The following XKR6 variants were observed in gnomAD, a reference collection of about 807,000 sequenced individuals.
The protein encoded by XKR6 is XK related 6.
Under a neutral mutation model 56.7 loss-of-function variants are expected in XKR6, and 22 were observed. That is an observed-to-expected ratio of 0.39 (90% CI 0.28 to 0.55). XKR6 has a LOEUF of 0.55. XKR6 is among the 20% of genes least tolerant of loss of function. XKR6 has a pLI of 0.66. For synonymous variants in XKR6, 524 were observed against 387.8 expected, an observed-to-expected ratio of 1.35 and a Z score of -4.13; for missense variants, 852 against 889.0, an observed-to-expected ratio of 0.96 and a Z score of 0.53.
chr8:11,032,265 T>C (rs1459126075), intron 1 of XKR6, among the ~76,000 whole-genome samples: 1 of 152,156 alleles, frequency 6.6e-6, no homozygotes, highest in Non-Finnish European at 1.5e-5. Context: ...GAAAACAACA[T>C]CTTGGTGGGT....
intron 2 of XKR6, among the ~76,000 whole-genome samples, chr8:10,922,453 C>T (rs962636363): frequency 2.6e-5 from 4 of 152,224 alleles, no homozygotes; most frequent in African/African-American, 4.8e-5. Flanking sequence ...GCTCAGTGCT[C>T]ACTTCCACAG....
At chr8:11,191,719 A>G (rs1302578627) in intron 1 of XKR6, among the ~76,000 whole-genome samples, 2 of 150,378 alleles carry the variant, frequency 1.3e-5, no homozygotes, top group South Asian at 2.1e-4. Context: ...AAAAAAAAAC[A>G]GAGAGGGACT....
intron 1 of XKR6, among the ~76,000 whole-genome samples, chr8:11,006,727 T>C (rs1201399596): frequency 1.3e-5 from 2 of 152,162 alleles, no homozygotes; most frequent in African/African-American, 4.8e-5. Context: ...AAACAGAATT[T>C]GTAGGATTTC....
intron 1 of XKR6, among the ~76,000 whole-genome samples, chr8:11,066,064 A>G (rs190469800): frequency 6.6e-6 from 1 of 152,252 alleles, no homozygotes; most frequent in Admixed American, 6.5e-5. Flanking sequence ...GCATCCCCCA[A>G]ATGCACCCTG....
intron 1 of XKR6, among the ~76,000 whole-genome samples, chr8:11,096,913 G>T (rs1798279368): frequency 6.6e-6 from 1 of 152,210 alleles, no homozygotes; most frequent in Non-Finnish European, 1.5e-5. Context: ...AAGACATTTG[G>T]TTTCAGGATG....
chr8:11,185,592 T>C lies in XKR6; in HGVS notation c.764+14984A>G, dbSNP rs537951696. 3.3e-5 allele frequency among the ~76,000 whole-genome samples: 5 copies of C among 152,328 alleles called. No homozygotes were observed. The East Asian group carries it at 5.8e-4, about 18-fold the overall frequency. On this transcript the variant is annotated intron_variant, in intron 1 of 2. Coordinates refer to ENST00000416569, the MANE Select transcript of XKR6 (RefSeq NM_173683.4). The stretch of plus-strand genomic sequence containing the variant: ...GAGAATCAGTAGTCACTTTTAGGGA[T>C]AGTTTCCTGGGAGATGGCACCCAAT...
At chr8:11,035,110 T>C (rs1586458355) in intron 1 of XKR6, 2 of 472,900 alleles carry the variant, frequency 4.2e-6, no homozygotes, top group East Asian at 6.6e-5. Flanking sequence ...ATGATGATAC[T>C]TACCTTAAAG....
intron 1 of XKR6, among the ~76,000 whole-genome samples, chr8:11,009,704 G>C (rs1387543485): frequency 1.3e-5 from 2 of 152,232 alleles, no homozygotes; most frequent in African/African-American, 4.8e-5. Context: ...AGTCTGTGGA[G>C]ACATGATGGC....
chr8:11,089,202 CT>C (rs2129172195), intron 1 of XKR6, among the ~76,000 whole-genome samples: 1 of 152,264 alleles, frequency 6.6e-6, no homozygotes, highest in East Asian at 1.9e-4. Flanking sequence ...GTGTTCAGAC[CT>C]TGTCTGATCT....
chr8:10,905,215 C>T (rs140754780), intron 2 of XKR6, among the ~76,000 whole-genome samples: 1 of 152,310 alleles, frequency 6.6e-6, no homozygotes, highest in East Asian at 1.9e-4. Flanking sequence ...CACTTGCCCT[C>T]CTCACTCTCC....
intron 1 of XKR6, among the ~76,000 whole-genome samples, chr8:11,102,064 G>C (rs1563137245): frequency 6.6e-6 from 1 of 152,332 alleles, no homozygotes; most frequent in Non-Finnish European, 1.5e-5. Flanking sequence ...ATGGGTCCAG[G>C]AGTGGCTGGA....
Position 10,944,803 on chromosome 8 carries a change from C to G in XKR6, c.765-19973G>C, listed in dbSNP as rs564617954. Among the ~76,000 whole-genome samples, 154 of 152,316 alleles carry G rather than the reference C, an allele frequency of 1.0e-3. 6 individuals are homozygous for G. In the South Asian group the frequency reaches 0.031, roughly 31 times the overall value. On this transcript the variant is annotated intron_variant, in intron 1 of 2. Coordinates refer to ENST00000416569, the MANE Select transcript of XKR6 (RefSeq NM_173683.4). ...GGGGGCCCAGCTGCCAACCCAGCCC[C>G]TGAGAGCACATGAAATCAGAGCTAT...
chr8:11,093,831 T>C (rs1212343703), intron 1 of XKR6, among the ~76,000 whole-genome samples: 1 of 152,172 alleles, frequency 6.6e-6, no homozygotes, highest in African/African-American at 2.4e-5. Context: ...TCGCACAGGC[T>C]GGAGTGCAGT....
intron 1 of XKR6, among the ~76,000 whole-genome samples, chr8:11,090,546 T>C (rs1412062760): frequency 6.6e-6 from 1 of 152,246 alleles, no homozygotes; most frequent in Non-Finnish European, 1.5e-5. Flanking sequence ...TATGCATTAT[T>C]AGTGCTTGAC....
At chr8:10,974,118 G>T (rs1042043544) in intron 1 of XKR6, among the ~76,000 whole-genome samples, 2 of 152,198 alleles carry the variant, frequency 1.3e-5, no homozygotes, top group Non-Finnish European at 2.9e-5. Flanking sequence ...CTCTCAGTTG[G>T]CTCTGTGAGG....
At position 11,200,906 on chromosome 8, in the gene XKR6, G is replaced by A. The variant is rs1471308538; in HGVS notation, c.434C>T (p.Thr145Ile). The A allele has an allele frequency of 5.0e-6, 8 of 1,609,840 alleles. No individual in the cohort carries two copies. Among genetic ancestry groups the A allele is most frequent in the African/African-American group, 1.3e-5 (1 of 74,702 alleles). ...ALLVFFGDVG[T>I]DLWLALDYYR... is the part of the protein sequence containing the mutation. ...GTAGTCGAGGGCCAGCCACAGGTCG[G>A]TGCCCACGTCCCCGAAGAACACCAG... is the stretch of plus-strand genomic sequence containing the variant. The change falls in exon 1 of 3, where the codon ACC (threonine) becomes ATC (isoleucine). Residue 145 changes from threonine to isoleucine, a missense_variant. Physicochemically the swap from Thr to Ile is moderately conservative, Grantham distance 89. Around this residue, in one of 4 missense-constraint regions of XKR6, gnomAD observed 417 missense variants for 355.2 expected, o/e 1.17. Transcript: ENST00000416569. The surrounding 1 kb of genome is among the most constrained non-coding windows in gnomAD (Gnocchi z 6.4).
intron 1 of XKR6, among the ~76,000 whole-genome samples, chr8:11,075,564 T>C (rs894819254): frequency 6.6e-6 from 1 of 152,196 alleles, no homozygotes; most frequent in Non-Finnish European, 1.5e-5. Flanking sequence ...ATGGAGTAGA[T>C]ACTACTGTTC....
At chr8:11,163,179 T>C (rs1344090080) in intron 1 of XKR6, among the ~76,000 whole-genome samples, 2 of 152,194 alleles carry the variant, frequency 1.3e-5, no homozygotes, top group African/African-American at 4.8e-5. Context: ...TAAAAATTGT[T>C]AGAAAATATT....
chr8:11,102,185 A>C (rs537432117), intron 1 of XKR6, among the ~76,000 whole-genome samples: 2 of 152,104 alleles, frequency 1.3e-5, no homozygotes, highest in East Asian at 1.9e-4. Context: ...TTTCCCCTGC[A>C]AGTTCGTCTT....
Sources: gnomAD v4.1 joint callset for allele counts (sites outside exome capture counted in the v4.1 genomes callset) on GRCh38, gnomAD v4.1.1 for gene constraint, gnomAD v4.1.1 regional missense constraint, Gnocchi (gnomAD v3.1) non-coding constraint, MANE v1.5 for transcripts, NCBI Gene and HGNC (gene_info 2026-07-23, HGNC 2026-07-21) for gene names.